The following BRWD1 variants were observed in gnomAD, a reference collection of about 807,000 sequenced individuals.
BRWD1 encodes bromodomain and WD repeat-containing protein 1.
In BRWD1, 82 loss-of-function variants were observed where a neutral mutation model predicts 251.2. The observed-to-expected ratio is 0.33, with a 90% CI of 0.27 to 0.39. BRWD1 has a LOEUF of 0.39. Ranked by LOEUF, BRWD1 falls within the 10% of genes least tolerant of loss-of-function variation. The pLI, the probability that BRWD1 is intolerant of heterozygous loss-of-function variation, is 1.00. For synonymous variants in BRWD1, 918 were observed against 902.8 expected, an observed-to-expected ratio of 1.02 and a Z score of -0.30; for missense variants, 2,233 against 2,711.6, an observed-to-expected ratio of 0.82 and a Z score of 3.92.
chr21:39,252,061 G>T (rs889493241), intron 19 of BRWD1, among the ~76,000 whole-genome samples: 1 of 151,928 alleles, frequency 6.6e-6, no homozygotes, highest in Non-Finnish European at 1.5e-5. Flanking sequence ...GAGGTCAGGA[G>T]TTCACGACCA....
At chr21:39,248,229 AG>A (rs2034265144) in intron 20 of BRWD1, among the ~76,000 whole-genome samples, 1 of 152,194 alleles carries the variant, frequency 6.6e-6, no homozygotes, top group African/African-American at 2.4e-5. Context: ...ATAGGTGTAA[AG>A]AAAAAATGTT....
At chr21:39,249,566 T>C (rs2034320778) in intron 20 of BRWD1, among the ~76,000 whole-genome samples, 1 of 152,112 alleles carries the variant, frequency 6.6e-6, no homozygotes, top group Admixed American at 6.5e-5. Context: ...CAAAAGCAGA[T>C]GAGATTACCC....
At chr21:39,214,336 CAT>C in intron 32 of BRWD1, among the ~76,000 whole-genome samples, 1 of 152,266 alleles carries the variant, frequency 6.6e-6, no homozygotes, top group Admixed American at 6.5e-5. Flanking sequence ...CGTATACAAA[CAT>C]TTTCACAGGA....
chr21:39,231,238 T>C (rs980927396), intron 25 of BRWD1, among the ~76,000 whole-genome samples: 3 of 152,322 alleles, frequency 2.0e-5, no homozygotes, highest in Middle Eastern at 3.4e-3. Context: ...ATCATCACCA[T>C]TGACATTTTG....
At chr21:39,282,999 A>G (rs2035521411) in intron 8 of BRWD1, among the ~76,000 whole-genome samples, 1 of 151,402 alleles carries the variant, frequency 6.6e-6, no homozygotes, top group South Asian at 2.1e-4. Flanking sequence ...CTAACTGTCC[A>G]TGAAAGAATA....
intron 8 of BRWD1, among the ~76,000 whole-genome samples, chr21:39,292,122 T>TGGGGGG (rs1336734101): frequency 1.8e-3 from 4 of 2,182 alleles, no homozygotes; most frequent in East Asian, 9.1e-3. Flanking sequence ...TTGTGGGGGG[T>TGGGGGG]GGGTGGGGGT....
intron 38 of BRWD1, among the ~76,000 whole-genome samples, chr21:39,201,670 C>T (rs2032115627): frequency 6.6e-6 from 1 of 152,194 alleles, no homozygotes; most frequent in African/African-American, 2.4e-5. Context: ...TCCCTTAAAA[C>T]ACTGTACAGT....
intron 19 of BRWD1, among the ~76,000 whole-genome samples, chr21:39,255,227 A>G (rs996035361): frequency 1.5e-4 from 23 of 152,224 alleles, no homozygotes; most frequent in African/African-American, 5.3e-4. Context: ...CCTGGCCAAC[A>G]TGGTGAAACC....
intron 23 of BRWD1, among the ~76,000 whole-genome samples, chr21:39,234,235 A>G (rs2033729373): frequency 6.6e-6 from 1 of 152,182 alleles, no homozygotes; most frequent in African/African-American, 2.4e-5. Flanking sequence ...CTGGCCCTGA[A>G]GAAGCTTACA....
chr21:39,229,045 C>T (rs534857908), intron 26 of BRWD1, among the ~76,000 whole-genome samples: 3 of 152,010 alleles, frequency 2.0e-5, no homozygotes, highest in Admixed American at 6.6e-5. Context: ...AAATTTGGCC[C>T]GTATGTCAGA....
In BRWD1 at chr21:39,188,162, T is replaced by C; in HGVS notation, c.*8097A>G. On this transcript the variant is annotated 3_prime_UTR_variant, in exon 41 of 41. Transcript: ENST00000342449. ...AAATTTCACAAACAAGTCTAATTAG[T>C]ACTCTTCTAGAACAGAAGTGATATT... 1 of 985,376 alleles carries C rather than the reference T, an allele frequency of 1.0e-6. No homozygotes were observed. Among genetic ancestry groups the C allele is most frequent in the African/African-American group, 1.7e-5 (1 of 57,348 alleles). 61.0% of individuals were successfully genotyped at this position (985,376 alleles called of 1,614,324 possible).
intron 19 of BRWD1, among the ~76,000 whole-genome samples, chr21:39,254,159 G>A (rs11908897): frequency 0.015 from 2,326 of 152,232 alleles, 58 homozygotes; most frequent in African/African-American, 0.053. Context: ...CCAGCTACTC[G>A]GGAGGCTGAG....
chr21:39,294,747 A>ATCTC (rs1235299398), intron 7 of BRWD1, among the ~76,000 whole-genome samples: 8 of 152,186 alleles, frequency 5.3e-5, no homozygotes, highest in African/African-American at 1.9e-4. Flanking sequence ...TAGTGTGAGA[A>ATCTC]ACAGGACTAA....
At chr21:39,250,399 C>T (rs961888509) in intron 20 of BRWD1, among the ~76,000 whole-genome samples, 3 of 151,200 alleles carry the variant, frequency 2.0e-5, no homozygotes, top group Non-Finnish European at 4.4e-5. Context: ...CACAGGGAAG[C>T]AAGACATTGA....
Position 39,185,804 on chromosome 21 carries a change from C to T in BRWD1, c.*10455G>A, listed in dbSNP as rs1391518445. ...GATTTACACATGCAAATCATATATT[C>T]AGATATTTTTAAATGGGAAAACAAC... On this transcript the variant is annotated 3_prime_UTR_variant, in exon 41 of 41. Transcript: ENST00000342449. The T allele has an allele frequency of 1.3e-5, 2 of 152,014 alleles. No homozygotes were observed. The highest frequency in any genetic ancestry group is 2.9e-5 in the Non-Finnish European group (2 of 67,964). The allele number at this position is 152,014 out of a possible 1,614,324, so 9.4% of individuals were successfully genotyped here.
At chr21:39,312,988 C>CCGGGGGCGGGCGGCGGGGGGG (rs2036558330) in intron 3 of BRWD1, 84 bp downstream of exon 3, 1 of 783,162 alleles carries the variant, frequency 1.3e-6, no homozygotes, top group African/African-American at 2.9e-5. Context: ...CGGCGGGCGG[C>CCGGGGGCGGGCGGCGGGGGGG]GGGCGGGGGG....
intron 29 of BRWD1, among the ~76,000 whole-genome samples, chr21:39,220,009 C>T (rs77552779): frequency 6.6e-6 from 1 of 151,564 alleles, no homozygotes; most frequent in Non-Finnish European, 1.5e-5. Context: ...AGACGCTGTA[C>T]AGGCAGGCAA....
In BRWD1 at chr21:39,298,297, C is replaced by A. The variant is rs2036012757; in HGVS notation, c.349+135G>T. On this transcript the variant is annotated intron_variant, in intron 5 of 40. Transcript: ENST00000342449. ...AAAATTCAATGTTCTATGCTAAATG[C>A]AGAGAATTTTATAGTCCACAGCATG... is the stretch of plus-strand genomic sequence containing the variant. 5 of 1,337,582 alleles carry A rather than the reference C, an allele frequency of 3.7e-6. No homozygotes were observed. In the Admixed American group the frequency reaches 1.5e-4, roughly 40 times the overall value. 82.9% of individuals were successfully genotyped at this position (1,337,582 alleles called of 1,614,324 possible).
upstream of BRWD1, among the ~76,000 whole-genome samples, chr21:39,316,811 A>C (rs1217346905): frequency 1.3e-5 from 2 of 152,086 alleles, no homozygotes; most frequent in African/African-American, 4.8e-5. Context: ...GTAGGTGTGT[A>C]CCTGTAGCCC....
Sources: gnomAD v4.1 joint callset for allele counts (sites outside exome capture counted in the v4.1 genomes callset) on GRCh38, gnomAD v4.1.1 for gene constraint, MANE v1.5 for transcripts, NCBI Gene and HGNC (gene_info 2026-07-23, HGNC 2026-07-21) for gene names.